Variants in ZNF121 observed in about 807,000 individuals in gnomAD.
The protein encoded by ZNF121 is zinc finger protein 121 (clone ZHC32).
A neutral mutation model predicts 2.4 loss-of-function variants in ZNF121; 1 was observed. The ratio of observed to expected loss-of-function variants is 0.41; its 90% CI spans 0.15 to 1.94. The LOEUF (loss-of-function observed/expected upper bound fraction) is 1.94. ZNF121 is among the 30% of genes most tolerant of loss of function. ZNF121 has a pLI of 0.30. For synonymous variants in ZNF121, 173 were observed against 158.6 expected, an observed-to-expected ratio of 1.09 and a Z score of -0.68; for missense variants, 369 against 466.3, an observed-to-expected ratio of 0.79 and a Z score of 1.92.
chr19:9,570,091 A>C (rs898249227), intron 1 of ZNF121, among the ~76,000 whole-genome samples: 1 of 151,908 alleles, frequency 6.6e-6, no homozygotes, highest in African/African-American at 2.4e-5. Context: ...CTGTAGTCCC[A>C]ACCACTCAGG....
intron 1 of ZNF121, among the ~76,000 whole-genome samples, chr19:9,582,414 C>T (rs2074254038): frequency 1.3e-5 from 2 of 152,204 alleles, no homozygotes; most frequent in African/African-American, 4.8e-5. Context: ...GACAATGAAT[C>T]TCAGGAGCTC....
chr19:9,568,054 A>T, intron 3 of ZNF121, 41 bp downstream of exon 3: 1 of 1,526,610 alleles, frequency 6.6e-7, no homozygotes. Flanking sequence ...TTGAATCCCA[A>T]TCTTTTTTTG....
intron 1 of ZNF121, among the ~76,000 whole-genome samples, chr19:9,573,535 C>G (rs1409633258): frequency 6.6e-6 from 1 of 152,152 alleles, no homozygotes; most frequent in Admixed American, 6.5e-5. Flanking sequence ...CTAGGAATCA[C>G]TGGTGTTCAA....
In ZNF121 at chr19:9,565,201, T is replaced by C. The variant is rs1345196256; in HGVS notation, c.*739A>G. On this transcript the variant is annotated 3_prime_UTR_variant, in exon 4 of 4. Coordinates refer to ENST00000320451, the MANE Select transcript of ZNF121 (RefSeq NM_001008727.5). ...GTATCAATAGGGTTTCTCTTCTCCA[T>C]TGCAACATCTTATATACTTAGAAAG... is the stretch of plus-strand genomic sequence containing the variant. 1.3e-5 allele frequency: 2 copies of C among 151,674 alleles called. No individual in the cohort carries two copies. Among genetic ancestry groups the C allele is most frequent in the South Asian group, 2.1e-4 (1 of 4,808 alleles). The allele number at this position is 151,674 out of a possible 1,614,324, so 9.4% of individuals were successfully genotyped here.
Position 9,561,788 on chromosome 19 carries a change from G to T in ZNF121, c.*4152C>A, listed in dbSNP as rs915079393. The T allele has an allele frequency of 6.6e-6, 1 of 151,988 alleles. No homozygotes were observed. Among genetic ancestry groups the T allele is most frequent in the Admixed American group, 6.6e-5 (1 of 15,236 alleles). 9.4% of individuals were successfully genotyped at this position (151,988 alleles called of 1,614,324 possible). ...GGTCCCAGGTACTCAGGAGACTCAGGTGGGAGGATCGCTTGAGCCCAGGAG... is the reference window on the plus strand; with the variant it reads ...GGTCCCAGGTACTCAGGAGACTCAGTTGGGAGGATCGCTTGAGCCCAGGAG... On this transcript the variant is annotated 3_prime_UTR_variant, in exon 4 of 4. Transcript: ENST00000320451.
chr19:9,574,461 G>T (rs2074196667), intron 1 of ZNF121, among the ~76,000 whole-genome samples: 1 of 152,066 alleles, frequency 6.6e-6, no homozygotes, highest in South Asian at 2.1e-4. Context: ...GCCCTAGCAA[G>T]GCCATTTTTA....
chr19:9,566,586 T>C lies in ZNF121; in HGVS notation c.527A>G (p.Glu176Gly). Reference sequence around the variant, plus strand: ...AGAAACAGTGAAGCATTTCCCACATTCCTTACATTCATAGGGTTTCTCCCC... The same window carrying C: ...AGAAACAGTGAAGCATTTCCCACATCCCTTACATTCATAGGGTTTCTCCCC... ...HTGEKPYECK[E>G]CGKCFTVSSH... The change falls in exon 4 of 4, where the codon GAA (glutamate) becomes GGA (glycine). Residue 176 changes from glutamate (E) to glycine (G), a missense_variant. By Grantham distance (98) the Glu-to-Gly change is moderately conservative (BLOSUM62 -2). Transcript: ENST00000320451. The C allele has an allele frequency of 6.2e-7, 1 of 1,614,246 alleles. No homozygotes were observed. Among genetic ancestry groups the C allele is most frequent in the Non-Finnish European group, 8.5e-7 (1 of 1,180,044 alleles).
chr19:9,576,330 C>CAA (rs200367568), intron 1 of ZNF121, among the ~76,000 whole-genome samples: 2,208 of 138,822 alleles, frequency 0.016, 59 homozygotes, highest in African/African-American at 0.054. Flanking sequence ...CCTGTCCCTT[C>CAA]AAAAAAAAAA....
At chr19:9,573,456 C>G (rs954659428) in intron 1 of ZNF121, among the ~76,000 whole-genome samples, 3 of 151,924 alleles carry the variant, frequency 2.0e-5, no homozygotes, top group African/African-American at 7.3e-5. Context: ...AAAATATAGC[C>G]AGAAGAGAAG....
Position 9,577,974 on chromosome 19 carries a change from C to T in ZNF121, c.-160+6487G>A, listed in dbSNP as rs1034644073. Among the ~76,000 whole-genome samples the T allele has an allele frequency of 4.0e-5, 6 of 150,110 alleles. 1 individual carries two copies. Among genetic ancestry groups the T allele is most frequent in the Admixed American group, 1.3e-4 (2 of 14,826 alleles). ...CTGGGAGGCCAAGGTGGGCAGACCACGAGGTCAGGAGATCAAGACCATCCC... is the reference window on the plus strand; with the variant it reads ...CTGGGAGGCCAAGGTGGGCAGACCATGAGGTCAGGAGATCAAGACCATCCC... On this transcript the variant is annotated intron_variant, in intron 1 of 3. Transcript: ENST00000320451.
intron 1 of ZNF121, among the ~76,000 whole-genome samples, chr19:9,577,287 A>C (rs570749514): frequency 9.9e-5 from 15 of 151,974 alleles, no homozygotes; most frequent in Admixed American, 2.6e-4. Flanking sequence ...CTACTAAAAA[A>C]AAACACAAAA....
At chr19:9,577,685 A>G (rs1041386625) in intron 1 of ZNF121, among the ~76,000 whole-genome samples, 7 of 152,174 alleles carry the variant, frequency 4.6e-5, no homozygotes, top group Non-Finnish European at 8.8e-5. Flanking sequence ...AAAAAGAGAA[A>G]AAAAATCCTA....
At chr19:9,584,282 C>A (rs556938372) in intron 1 of ZNF121, 179 bp downstream of exon 1, 1 of 152,372 alleles carries the variant, frequency 6.6e-6, no homozygotes, top group East Asian at 1.9e-4. Context: ...CCCGACCTGG[C>A]TCCTGACTGG....
Position 9,566,587 on chromosome 19 carries a change from C to G in ZNF121, c.526G>C (p.Glu176Gln). The G allele has an allele frequency of 6.2e-7, 1 of 1,614,230 alleles. No homozygotes were observed. Among genetic ancestry groups the G allele is most frequent in the Non-Finnish European group, 8.5e-7 (1 of 1,180,044 alleles). ...GAAACAGTGAAGCATTTCCCACATT[C>G]CTTACATTCATAGGGTTTCTCCCCA... The part of the protein sequence containing the change: ...HTGEKPYECK[E>Q]CGKCFTVSSH... The change falls in exon 4 of 4, where the codon GAA becomes CAA. Residue 176 changes from glutamate to glutamine, a missense_variant. Physicochemically the swap from Glu to Gln is conservative, Grantham distance 29. Around this residue, in one of 4 missense-constraint regions of ZNF121, gnomAD observed 68 missense variants for 105.5 expected, o/e 0.64. Transcript: ENST00000320451.
At chr19:9,569,386 G>A (rs1442548775) in intron 1 of ZNF121, among the ~76,000 whole-genome samples, 5 of 152,048 alleles carry the variant, frequency 3.3e-5, no homozygotes, top group African/African-American at 4.8e-5. Flanking sequence ...GGTTGAGGCT[G>A]CAGTGAGTCA....
chr19:9,583,279 G>GA (rs2074261172), intron 1 of ZNF121, among the ~76,000 whole-genome samples: 1 of 151,196 alleles, frequency 6.6e-6, no homozygotes, highest in South Asian at 2.1e-4. Context: ...CTCTGTGGGG[G>GA]GGTACAGACC....
At chr19:9,581,437 CT>C (rs1308265569) in intron 1 of ZNF121, among the ~76,000 whole-genome samples, 3 of 152,034 alleles carry the variant, frequency 2.0e-5, no homozygotes, top group African/African-American at 7.2e-5. Flanking sequence ...GAAGGGATGT[CT>C]GTAGTGAGCT....
intron 1 of ZNF121, among the ~76,000 whole-genome samples, chr19:9,574,100 T>C (rs1431461366): frequency 6.7e-6 from 1 of 150,298 alleles, no homozygotes; most frequent in African/African-American, 2.4e-5. Flanking sequence ...CGTAAAGAAA[T>C]AGCACTTGAA....
intron 1 of ZNF121, among the ~76,000 whole-genome samples, chr19:9,572,272 G>A (rs1437281738): frequency 2.0e-5 from 3 of 152,140 alleles, no homozygotes; most frequent in African/African-American, 7.2e-5. Flanking sequence ...CAAGGGAGAC[G>A]TTAAGAGAAT....
Sources: allele counts gnomAD v4.1 joint callset (sites outside exome capture counted in the v4.1 genomes callset), GRCh38; gene constraint gnomAD v4.1.1; regional missense constraint gnomAD v4.1.1; transcripts MANE v1.5; gene names NCBI Gene and HGNC (gene_info 2026-07-23, HGNC 2026-07-21).